Variants in WASL observed in about 807,000 individuals in gnomAD.
WASL encodes the protein actin nucleation-promoting factor WASL.
WASL carries 20 observed loss-of-function variants against 55.5 expected under a neutral mutation model. That is an observed-to-expected ratio of 0.36 (90% confidence interval 0.25 to 0.52). WASL has a LOEUF of 0.52. WASL is among the 20% of genes least tolerant of loss of function. The pLI is 0.92. For missense variants in WASL, 504 were observed against 622.5 expected (o/e 0.81, Z 2.03); for synonymous variants, 249 against 217.6 (o/e 1.14, Z -1.27).
At chr7:123,706,606 A>AT (rs1803675758) in intron 3 of WASL, 134 bp downstream of exon 3, 1 of 800,448 alleles carries the variant, frequency 1.2e-6, no homozygotes, top group Admixed American at 3.4e-5. Context: ...ACTAATTTGA[A>AT]TATTTCATCT....
intron 8 of WASL, 57 bp downstream of exon 8, chr7:123,694,658 G>C (rs958131988): frequency 6.3e-7 from 1 of 1,589,076 alleles, no homozygotes; most frequent in Non-Finnish European, 8.6e-7. Flanking sequence ...TGGTTTCCAT[G>C]AAACTGACCT....
intron 9 of WASL, among the ~76,000 whole-genome samples, chr7:123,690,426 C>A (rs1039034640): frequency 2.6e-5 from 4 of 152,034 alleles, no homozygotes; most frequent in African/African-American, 9.7e-5. Flanking sequence ...AGAAACATAG[C>A]CATAGAAATT....
rs1803731812 is a variant in WASL, at chr7:123,710,112, A to G, written c.118-889T>C. Among the ~76,000 whole-genome samples, 3 of 152,166 alleles carry G rather than the reference A, an allele frequency of 2.0e-5. No individual in the cohort carries two copies. In the South Asian group the frequency reaches 6.2e-4, roughly 32 times the overall value. ...CTAAATTAAGTTTACTTTATAACCT[A>G]GAATGTAACTATTCAACCTTAAGTT... On this transcript the variant is annotated intron_variant, in intron 1 of 10. Transcript: ENST00000223023.
intron 1 of WASL, among the ~76,000 whole-genome samples, chr7:123,739,985 A>G (rs192829425): frequency 1.3e-4 from 19 of 151,970 alleles, no homozygotes; most frequent in East Asian, 1.2e-3. Flanking sequence ...CTTCAGCTAT[A>G]CAGTGAATAA....
At chr7:123,698,184 G>C (rs1803522046) in intron 5 of WASL, among the ~76,000 whole-genome samples, 1 of 151,892 alleles carries the variant, frequency 6.6e-6, no homozygotes, top group East Asian at 1.9e-4. Flanking sequence ...AAGTCCTGGT[G>C]AATCACCACC....
At chr7:123,705,532 G>A (rs1165539027) in intron 4 of WASL, among the ~76,000 whole-genome samples, 1 of 152,144 alleles carries the variant, frequency 6.6e-6, no homozygotes, top group Non-Finnish European at 1.5e-5. Context: ...AGGACTGGAT[G>A]AAAGCACATG....
At chr7:123,733,913 C>CA (rs33913069) in intron 1 of WASL, among the ~76,000 whole-genome samples, 4,409 of 110,640 alleles carry the variant, frequency 0.04, 99 homozygotes, top group African/African-American at 0.056. Flanking sequence ...ATCCACGTGC[C>CA]AAAAAAAAAA....
At chr7:123,707,494 T>C (rs1015323347) in intron 2 of WASL, among the ~76,000 whole-genome samples, 9 of 152,146 alleles carry the variant, frequency 5.9e-5, no homozygotes, top group African/African-American at 1.7e-4. Flanking sequence ...ATAAAAAATA[T>C]GTTTAATCTT....
At chr7:123,736,000 T>A (rs1422747434) in intron 1 of WASL, among the ~76,000 whole-genome samples, 2 of 151,702 alleles carry the variant, frequency 1.3e-5, no homozygotes, top group African/African-American at 2.4e-5. Flanking sequence ...AAACTAGTAA[T>A]AAAGCGAAAA....
At chr7:123,684,684 G>A (rs1803260229) in intron 10 of WASL, 104 bp from the exon 11 acceptor site, 1 of 1,054,246 alleles carries the variant, frequency 9.5e-7, no homozygotes. Context: ...CACAGATAAT[G>A]TGACTCCCAG....
At chr7:123,694,682 C>A (rs762304204) in intron 8 of WASL, 33 bp downstream of exon 8, 2 of 1,606,586 alleles carry the variant, frequency 1.2e-6, no homozygotes, top group Non-Finnish European at 1.7e-6. Flanking sequence ...AAGATTAAAA[C>A]AAAACAGAAC....
intron 1 of WASL, among the ~76,000 whole-genome samples, chr7:123,743,895 CTCT>C (rs1418447730): frequency 6.6e-6 from 1 of 152,220 alleles, no homozygotes; most frequent in Non-Finnish European, 1.5e-5. Flanking sequence ...TTTTCTGAAT[CTCT>C]TCTTGTGCTT....
chr7:123,692,377 G>T lies in WASL; in HGVS notation c.1317C>A (p.Asp439Glu), dbSNP rs1562957277. 6.2e-7 allele frequency: 1 copy of T among 1,613,354 alleles called. No individual in the cohort carries two copies. Among genetic ancestry groups the T allele is most frequent in the East Asian group, 2.2e-5 (1 of 44,876 alleles). The change falls in exon 9 of 11, where the codon GAC becomes GAA. Residue 439 changes from aspartate (D) to glutamate (E), a missense_variant. This residue lies in a region of WASL where 3 missense variants were observed against 16.9 expected (regional missense o/e 0.18). Transcript: ENST00000223023. ...TTAGTTGGATACCCTGTCGTATCTG[G>T]TCTAACAGTGCATCTCGTCCAGAGC... ...VSCSGRDALL[D>E]QIRQGIQLKS...
Position 123,724,497 on chromosome 7 carries a change from T to C in WASL, c.118-15274A>G, listed in dbSNP as rs550205214. Among the ~76,000 whole-genome samples, 762 of 152,334 alleles carry C rather than the reference T, an allele frequency of 5.0e-3. 2 individuals carry two copies. Among genetic ancestry groups the C allele is most frequent in the Non-Finnish European group, 7.5e-3 (511 of 68,026 alleles). On this transcript the variant is annotated intron_variant, in intron 1 of 10. Transcript: ENST00000223023. ...ATTTATACATCCAATAAAGCACTTA[T>C]TGAATGACTTATAAGTTCCCATGTA...
At chr7:123,708,826 C>A (rs1446474963) in intron 2 of WASL, among the ~76,000 whole-genome samples, 1 of 146,798 alleles carries the variant, frequency 6.8e-6, no homozygotes, top group Admixed American at 6.8e-5. Flanking sequence ...AACCAACAGG[C>A]ATAATTTAAA....
chr7:123,716,601 A>C (rs1035192095), intron 1 of WASL, among the ~76,000 whole-genome samples: 4 of 152,042 alleles, frequency 2.6e-5, no homozygotes, highest in Non-Finnish European at 4.4e-5. Context: ...GGGGAAAAAA[A>C]AGAGAGGGAG....
intron 1 of WASL, among the ~76,000 whole-genome samples, chr7:123,745,436 G>T (rs1804415652): frequency 6.6e-6 from 1 of 152,066 alleles, no homozygotes; most frequent in Non-Finnish European, 1.5e-5. Context: ...ATGTACACTG[G>T]TATCTTCAGC....
intron 7 of WASL, 71 bp downstream of exon 7, chr7:123,695,752 A>T (rs942329294): frequency 1.1e-4 from 172 of 1,499,230 alleles, no homozygotes; most frequent in South Asian, 2.6e-4. Context: ...AAATGAATTT[A>T]AAAAAATCTA....
chr7:123,732,047 G>A (rs960761217), intron 1 of WASL, among the ~76,000 whole-genome samples: 2 of 152,148 alleles, frequency 1.3e-5, no homozygotes, highest in African/African-American at 4.8e-5. Context: ...AGAAAAGGCG[G>A]CCAGGCGCGG....
Sources: allele counts gnomAD v4.1 joint callset (sites outside exome capture counted in the v4.1 genomes callset), GRCh38; gene constraint gnomAD v4.1.1; regional missense constraint gnomAD v4.1.1; transcripts MANE v1.5; gene names NCBI Gene and HGNC (gene_info 2026-07-23, HGNC 2026-07-21).